The following CNTNAP5 variants were observed in gnomAD, a reference collection of about 807,000 sequenced individuals.
CNTNAP5 encodes contactin associated protein family member 5.
CNTNAP5 carries 72 observed loss-of-function variants against 150.2 expected under a neutral mutation model. The ratio of observed to expected loss-of-function variants is 0.48; its 90% confidence interval spans 0.40 to 0.58. CNTNAP5 has a LOEUF of 0.58. CNTNAP5 is among the 20% of genes least tolerant of loss of function. The probability of loss-of-function intolerance (pLI) is 0.00; values close to 1 mark genes in which losing one functional copy is unlikely to be tolerated. For synonymous variants in CNTNAP5, 672 were observed against 619.8 expected (o/e 1.08, Z -1.25); for missense variants, 1,636 against 1,626.2 (o/e 1.01, Z -0.10).
At chr2:124,756,667 GA>G (rs1343799026) in intron 14 of CNTNAP5, among the ~76,000 whole-genome samples, 2 of 152,116 alleles carry the variant, frequency 1.3e-5, no homozygotes, top group Non-Finnish European at 2.9e-5. Flanking sequence ...ACAGGAGGAG[GA>G]AACCAAATAC....
chr2:124,127,571 T>C (rs575589846), intron 1 of CNTNAP5, among the ~76,000 whole-genome samples: 10 of 152,256 alleles, frequency 6.6e-5, no homozygotes, highest in Admixed American at 5.9e-4. Flanking sequence ...TTAAAGTTCA[T>C]ATGGAACCAA....
intron 1 of CNTNAP5, among the ~76,000 whole-genome samples, chr2:124,179,377 C>A (rs1287715419): frequency 6.6e-6 from 1 of 152,048 alleles, no homozygotes; most frequent in Non-Finnish European, 1.5e-5. Context: ...CCAGGCTGGT[C>A]TCGAACTCCT....
intron 13 of CNTNAP5, among the ~76,000 whole-genome samples, chr2:124,650,490 C>A (rs1008252590): frequency 1.3e-5 from 2 of 152,218 alleles, no homozygotes; most frequent in Non-Finnish European, 2.9e-5. Flanking sequence ...AGGGCATACA[C>A]CTACATGAAT....
intron 3 of CNTNAP5, among the ~76,000 whole-genome samples, chr2:124,346,364 A>T (rs1290419788): frequency 6.6e-6 from 1 of 152,178 alleles, no homozygotes; most frequent in Non-Finnish European, 1.5e-5. Context: ...ATAGATAGAG[A>T]TTTAGTCTGA....
intron 1 of CNTNAP5, among the ~76,000 whole-genome samples, chr2:124,090,198 T>C (rs1372824242): frequency 6.6e-6 from 1 of 152,218 alleles, no homozygotes; most frequent in Non-Finnish European, 1.5e-5. Context: ...TGGCCTACTT[T>C]GAAAAATAAT....
At chr2:124,154,781 A>G (rs1405489793) in intron 1 of CNTNAP5, among the ~76,000 whole-genome samples, 1 of 152,156 alleles carries the variant, frequency 6.6e-6, no homozygotes, top group Non-Finnish European at 1.5e-5. Flanking sequence ...TGCAGCCTCA[A>G]GCCCAGGGGT....
chr2:124,177,878 G>A (rs770825121), intron 1 of CNTNAP5, among the ~76,000 whole-genome samples: 14 of 144,894 alleles, frequency 9.7e-5, no homozygotes, highest in Non-Finnish European at 1.8e-4. Flanking sequence ...ACAGAGTTTC[G>A]CTCTGTTGCC....
At chr2:124,652,062 G>A (rs931718411) in intron 13 of CNTNAP5, among the ~76,000 whole-genome samples, 10 of 152,156 alleles carry the variant, frequency 6.6e-5, no homozygotes, top group African/African-American at 2.2e-4. Context: ...ACTGAACCAT[G>A]ACACTGTCAT....
chr2:124,048,983 C>G (rs1681618315), intron 1 of CNTNAP5, among the ~76,000 whole-genome samples: 1 of 152,292 alleles, frequency 6.6e-6, no homozygotes, highest in South Asian at 2.1e-4. Context: ...TTCTCCAATG[C>G]TTTTGATATA....
chr2:124,107,092 G>C (rs1683185808), intron 1 of CNTNAP5, among the ~76,000 whole-genome samples: 1 of 152,008 alleles, frequency 6.6e-6, no homozygotes. Context: ...CACGTAGGCA[G>C]GACTGTGAAA....
At chr2:124,561,304 C>G (rs931526623) in intron 10 of CNTNAP5, among the ~76,000 whole-genome samples, 2 of 152,088 alleles carry the variant, frequency 1.3e-5, no homozygotes, top group Admixed American at 1.3e-4. Context: ...ACAGTGCTAG[C>G]CCCCCAGGAT....
chr2:124,506,883 G>C (rs573513796), intron 8 of CNTNAP5, among the ~76,000 whole-genome samples: 1 of 152,282 alleles, frequency 6.6e-6, no homozygotes, highest in South Asian at 2.1e-4. Flanking sequence ...AGGAAGATCT[G>C]CTTCCGCACT....
chr2:124,421,448 C>T (rs748837737), intron 4 of CNTNAP5, among the ~76,000 whole-genome samples: 3 of 152,144 alleles, frequency 2.0e-5, no homozygotes, highest in Admixed American at 2.0e-4. Flanking sequence ...TCAAGTCCTG[C>T]GCAACTTATC....
intron 10 of CNTNAP5, among the ~76,000 whole-genome samples, chr2:124,548,324 G>T (rs1695558579): frequency 6.6e-6 from 1 of 152,124 alleles, no homozygotes; most frequent in African/African-American, 2.4e-5. Context: ...GCAGTTTTAT[G>T]GCGAGGCTGT....
chr2:124,491,976 GC>G (rs1378760025), intron 7 of CNTNAP5, among the ~76,000 whole-genome samples: 18 of 151,844 alleles, frequency 1.2e-4, no homozygotes, highest in African/African-American at 4.1e-4. Context: ...TTTGTTTTTT[GC>G]TATTGAGTTA....
At chr2:124,324,473 G>A (rs1029116929) in intron 3 of CNTNAP5, among the ~76,000 whole-genome samples, 5 of 152,302 alleles carry the variant, frequency 3.3e-5, no homozygotes, top group Middle Eastern at 3.4e-3. Flanking sequence ...TGAGATTTGC[G>A]GTAAATGGAA....
rs1030281580 is a variant in CNTNAP5 at position 124,361,441 on chromosome 2, T to A, written c.382-56002T>A. The stretch of plus-strand genomic sequence containing the variant: ...TGTTTTTTCCCCATCTTTGTGGTTT[T>A]ATCTACTTTTGGTCTTTGATGATGG... On this transcript the variant is annotated intron_variant, in intron 3 of 23. Transcript: ENST00000682447. 2.1e-4 allele frequency among the ~76,000 whole-genome samples: 30 copies of A among 144,000 alleles called. 2 individuals are homozygous for A. The highest frequency in any genetic ancestry group is 3.5e-3 in the Middle Eastern group (1 of 288). 94.5% of individuals were successfully genotyped at this position (144,000 alleles called of 152,430 possible). A position where few individuals can be genotyped will look rare whatever the true frequency, so the allele number is the denominator to read the frequency against.
chr2:124,690,771 G>C (rs1247004546), intron 13 of CNTNAP5, among the ~76,000 whole-genome samples: 1 of 151,966 alleles, frequency 6.6e-6, no homozygotes, highest in Admixed American at 6.6e-5. Context: ...ATTCTAATAT[G>C]GTCTCCTCCT....
rs369790533 is a variant in CNTNAP5 at position 124,909,811 on chromosome 2, G to A, written c.3656-1656G>A. Among the ~76,000 whole-genome samples, 48 of 90,782 alleles carry A rather than the reference G, an allele frequency of 5.3e-4. 2 individuals are homozygous for A. The East Asian group carries it at 8.5e-3, about 16-fold the overall frequency. 59.6% of individuals were successfully genotyped at this position (90,782 alleles called of 152,430 possible). On this transcript the variant is annotated intron_variant, in intron 22 of 23. Coordinates refer to ENST00000682447, the MANE Select transcript of CNTNAP5 (RefSeq NM_001367498.1). The stretch of plus-strand genomic sequence containing the variant: ...CCACTATCATCATTATCACCCCATC[G>A]TTATCAATTGGTGACATATATATAT...
Sources: gnomAD v4.1 joint callset for allele counts (sites outside exome capture counted in the v4.1 genomes callset) on GRCh38, gnomAD v4.1.1 for gene constraint, MANE v1.5 for transcripts, NCBI Gene and HGNC (gene_info 2026-07-23, HGNC 2026-07-21) for gene names.